Variants in RTKN2 observed in about 807,000 individuals in gnomAD.
RTKN2 encodes the protein rhotekin 2, also known as rhotekin-2.
Under a neutral mutation model 71.5 loss-of-function variants are expected in RTKN2, and 69 were observed. The observed-to-expected ratio is 0.96, with a 90% CI of 0.79 to 1.18. The LOEUF is 1.18. Among genes scored for constraint, RTKN2 ranks in the 50% most tolerant of loss-of-function variants. RTKN2 has a pLI of 0.00. For missense variants in RTKN2, 724 were observed against 719.7 expected (o/e 1.01, Z -0.07); for synonymous variants, 236 against 236.5 (o/e 1.00, Z 0.02).
rs1841313308 is a variant in RTKN2, at chr10:62,195,632, AAGGAAGGAAGGAAGGAAGG to A, written c.*2257_*2275del. Reference sequence around the variant, plus strand: ...GAAGGAAGGAAGGAAGGAAGGAAGGAAGGAAGGAAGGAAGGAAGGAAGGAAGGAAGGAAGGAAGGAAACC... The same window carrying A: ...GAAGGAAGGAAGGAAGGAAGGAAGGAAAGGAAGGAAGGAAGGAAGGAAACC... On this transcript the variant is annotated 3_prime_UTR_variant, in exon 12 of 12. Coordinates refer to ENST00000373789, the MANE Select transcript of RTKN2 (RefSeq NM_145307.4). 9.3e-6 allele frequency: 4 copies of A among 431,212 alleles called. No individual in the cohort carries two copies. The African/African-American group carries it at 9.8e-5, about 11-fold the overall frequency. 26.7% of individuals were successfully genotyped at this position (431,212 alleles called of 1,614,324 possible).
intron 3 of RTKN2, among the ~76,000 whole-genome samples, chr10:62,244,186 G>T (rs1336054093): frequency 6.6e-6 from 1 of 151,950 alleles, no homozygotes; most frequent in Admixed American, 6.6e-5. Flanking sequence ...AAGAAAAAAT[G>T]GATTTATAAA....
In RTKN2 at chr10:62,194,960, G is replaced by GC. The variant is rs1212749502; in HGVS notation, c.*2947dup. On this transcript the variant is annotated 3_prime_UTR_variant, in exon 12 of 12. Coordinates refer to ENST00000373789, the MANE Select transcript of RTKN2 (RefSeq NM_145307.4). ...GTTAAGGAGGATTTAACAAAACTCA[G>GC]CAAGAGTTGGCACGCCTGATATTTT... 1.0e-6 allele frequency: 1 copy of GC among 985,282 alleles called. No homozygotes were observed. Among genetic ancestry groups the GC allele is most frequent in the Non-Finnish European group, 1.2e-6 (1 of 829,920 alleles). The allele number at this position is 985,282 out of a possible 1,614,324, so 61.0% of individuals were successfully genotyped here. A position where few individuals can be genotyped will look rare whatever the true frequency, so the allele number is the denominator to read the frequency against.
chr10:62,226,112 A>G (rs1842017797), intron 6 of RTKN2, among the ~76,000 whole-genome samples: 1 of 151,796 alleles, frequency 6.6e-6, no homozygotes, highest in African/African-American at 2.4e-5. Flanking sequence ...AGCAATCCTA[A>G]TTTTTTTCAT....
intron 3 of RTKN2, among the ~76,000 whole-genome samples, chr10:62,242,918 A>C (rs1842407517): frequency 6.6e-6 from 1 of 152,194 alleles, no homozygotes; most frequent in Non-Finnish European, 1.5e-5. Flanking sequence ...GGCATGAGCC[A>C]CTGTGCTGGG....
downstream of RTKN2, among the ~76,000 whole-genome samples, chr10:62,190,003 T>G (rs1841195472): frequency 6.6e-6 from 1 of 152,164 alleles, no homozygotes; most frequent in Admixed American, 6.5e-5. Flanking sequence ...GAATTTATCT[T>G]TTCCTCTCAT....
chr10:62,241,802 G>A (rs934701116), intron 3 of RTKN2, among the ~76,000 whole-genome samples: 3 of 152,102 alleles, frequency 2.0e-5, no homozygotes, highest in Admixed American at 1.3e-4. Flanking sequence ...GGGTTTAAGT[G>A]ATTCTCCAGC....
intron 5 of RTKN2, 49 bp from the exon 6 acceptor site, chr10:62,236,312 TA>T: frequency 8.4e-7 from 1 of 1,186,662 alleles, no homozygotes; most frequent in Non-Finnish European, 1.2e-6. Context: ...CAGTAGAAAA[TA>T]AAATTATACC....
At chr10:62,212,456 C>T (rs1841682700) in intron 9 of RTKN2, among the ~76,000 whole-genome samples, 1 of 151,962 alleles carries the variant, frequency 6.6e-6, no homozygotes, top group Non-Finnish European at 1.5e-5. Context: ...AATCCCAGCA[C>T]TTTGGGAGGC....
intron 11 of RTKN2, 144 bp from the exon 12 acceptor site, chr10:62,198,587 AC>A (rs1292543675): frequency 6.6e-6 from 4 of 609,048 alleles, no homozygotes; most frequent in Non-Finnish European, 5.3e-6. Context: ...TGTAAAAATA[AC>A]CACACCATCA....
intron 6 of RTKN2, among the ~76,000 whole-genome samples, chr10:62,224,963 G>A (rs1462924966): frequency 6.6e-6 from 1 of 152,124 alleles, no homozygotes; most frequent in East Asian, 1.9e-4. Flanking sequence ...AGTGTAATAG[G>A]AAAGTTGATA....
chr10:62,217,369 T>C (rs1057091015), intron 8 of RTKN2, 120 bp from the exon 9 acceptor site: 2 of 705,914 alleles, frequency 2.8e-6, no homozygotes, highest in African/African-American at 3.7e-5. Flanking sequence ...TGTGATGGAA[T>C]TATCCATTAA....
At chr10:62,209,839 C>A (rs1841623571) in intron 9 of RTKN2, among the ~76,000 whole-genome samples, 1 of 152,112 alleles carries the variant, frequency 6.6e-6, no homozygotes, top group Non-Finnish European at 1.5e-5. Context: ...TGTATGTGTA[C>A]CACATTTTCT....
rs1388559924 is a variant in RTKN2 at position 62,194,750 on chromosome 10, C to G, written c.*3158G>C. ...AACATAAGCCTAAAGAAATACTTGA[C>G]TGCTTAACCTACCTTACGTGAGGTA... On this transcript the variant is annotated 3_prime_UTR_variant, in exon 12 of 12. Coordinates refer to ENST00000373789, the MANE Select transcript of RTKN2 (RefSeq NM_145307.4). 1.0e-6 allele frequency: 1 copy of G among 985,294 alleles called. No individual in the cohort carries two copies. Among genetic ancestry groups the G allele is most frequent in the Non-Finnish European group, 1.2e-6 (1 of 829,912 alleles). The allele number at this position is 985,294 out of a possible 1,614,324, so 61.0% of individuals were successfully genotyped here.
intron 5 of RTKN2, among the ~76,000 whole-genome samples, chr10:62,237,008 C>T (rs1173409812): frequency 6.6e-6 from 1 of 151,524 alleles, no homozygotes; most frequent in East Asian, 1.9e-4. Flanking sequence ...TCAAAGGACA[C>T]AAAATAGCAG....
chr10:62,238,642 C>G (rs1842307916), intron 5 of RTKN2: 1 of 151,868 alleles, frequency 6.6e-6, no homozygotes, highest in Non-Finnish European at 1.5e-5. Context: ...AAATAAATTC[C>G]TTTGGTTCAA....
At chr10:62,266,349 C>T (rs4266956) in intron 1 of RTKN2, among the ~76,000 whole-genome samples, 110,848 of 152,118 alleles carry the variant, frequency 0.73, 40,697 homozygotes, top group East Asian at 0.9. Flanking sequence ...GTAAGACAAC[C>T]GCAGTAATCA....
chr10:62,189,370 C>T (rs1841184672), downstream of RTKN2, among the ~76,000 whole-genome samples: 1 of 152,160 alleles, frequency 6.6e-6, no homozygotes, highest in African/African-American at 2.4e-5. Context: ...TTCTGTGATT[C>T]ATTTTGAATG....
At chr10:62,245,295 T>C (rs1413842402) in intron 3 of RTKN2, among the ~76,000 whole-genome samples, 1 of 152,040 alleles carries the variant, frequency 6.6e-6, no homozygotes, top group Non-Finnish European at 1.5e-5. Context: ...ATATTATATA[T>C]AGATAAACAA....
At chr10:62,268,274 G>A (rs910988816) in intron 1 of RTKN2, among the ~76,000 whole-genome samples, 1 of 152,258 alleles carries the variant, frequency 6.6e-6, no homozygotes, top group African/African-American at 2.4e-5. Flanking sequence ...CAAAGCCTGG[G>A]GAGGGCAGCG....
Sources: allele counts gnomAD v4.1 joint callset (sites outside exome capture counted in the v4.1 genomes callset), GRCh38; gene constraint gnomAD v4.1.1; transcripts MANE v1.5; gene names NCBI Gene and HGNC (gene_info 2026-07-23, HGNC 2026-07-21).